The following PIAS2 variants were observed in gnomAD, a reference collection of about 807,000 sequenced individuals.
The protein encoded by PIAS2 is protein inhibitor of activated STAT 2.
Under a neutral mutation model 69.7 loss-of-function variants are expected in PIAS2, and 19 were observed. The observed-to-expected ratio is 0.27, with a 90% confidence interval of 0.19 to 0.40. The LOEUF (loss-of-function observed/expected upper bound fraction) is 0.40. Among genes scored for constraint, PIAS2 ranks in the 10% least tolerant of loss-of-function variants. PIAS2 has a pLI of 1.00. For synonymous variants in PIAS2, 261 were observed against 263.2 expected (o/e 0.99, Z 0.08); for missense variants, 624 against 757.0 (o/e 0.82, Z 2.06).
In PIAS2 at chr18:46,890,731, AGAG is replaced by A; in HGVS notation, c.345_347del (p.Ser116del). The A allele has an allele frequency of 6.2e-7, 1 of 1,614,186 alleles. No individual in the cohort carries two copies. Among genetic ancestry groups the A allele is most frequent in the Middle Eastern group, 1.6e-4 (1 of 6,062 alleles). On this transcript the variant is annotated inframe_deletion, in exon 2 of 14. Transcript: ENST00000585916. The stretch of plus-strand genomic sequence containing the variant: ...CTTGAAGCAGCACAGAACCAACAGG[AGAG>A]GATGGTGAGTGAGGTGTAACTGAAG...
At chr18:46,887,041 TA>T (rs1287939925) in intron 2 of PIAS2, among the ~76,000 whole-genome samples, 1 of 152,156 alleles carries the variant, frequency 6.6e-6, no homozygotes, top group African/African-American at 2.4e-5. Flanking sequence ...AAACTGGCAC[TA>T]AAATAATTTG....
Position 46,806,446 on chromosome 18 carries a change from CTCTCAGGTTCAAGCAAT to C in PIAS2, c.*5970_*5986del, listed in dbSNP as rs1222262599. 6.8e-6 allele frequency: 1 copy of C among 146,798 alleles called. No individual in the cohort carries two copies. Among genetic ancestry groups the C allele is most frequent in the Non-Finnish European group, 1.5e-5 (1 of 67,106 alleles). 9.1% of individuals were successfully genotyped at this position (146,798 alleles called of 1,614,324 possible). ...GATCCTGAGTCACTGCAACCTCCGC[CTCTCAGGTTCAAGCAAT>C]TCTCATCCCTCAGCCTCCCAAGTAG... On this transcript the variant is annotated 3_prime_UTR_variant, in exon 14 of 14. Transcript: ENST00000585916.
At chr18:46,895,003 G>A (rs1374219478) in intron 1 of PIAS2, among the ~76,000 whole-genome samples, 2 of 151,590 alleles carry the variant, frequency 1.3e-5, no homozygotes, top group African/African-American at 4.9e-5. Flanking sequence ...AAACCGGGAG[G>A]CGGAGGATGC....
At chr18:46,850,988 C>G (rs2046882894) in intron 5 of PIAS2, among the ~76,000 whole-genome samples, 1 of 152,134 alleles carries the variant, frequency 6.6e-6, no homozygotes, top group South Asian at 2.1e-4. Flanking sequence ...AGTTTTGAGT[C>G]TACTATAATC....
chr18:46,902,560 C>CA lies in PIAS2; in HGVS notation c.25-11507dup, dbSNP rs1038943129. 2.0e-3 allele frequency among the ~76,000 whole-genome samples: 288 copies of CA among 145,158 alleles called. 1 individual carries two copies. Among genetic ancestry groups the CA allele is most frequent in the African/African-American group, 6.3e-3 (248 of 39,626 alleles). On this transcript the variant is annotated intron_variant, in intron 1 of 13. Transcript: ENST00000585916. Reference sequence around the variant, plus strand: ...GGGCAACAAAAGTAAAACTCTGTCTCAAAAAAAAAAGAGAAAAGAAAACCT... The same window carrying CA: ...GGGCAACAAAAGTAAAACTCTGTCTCAAAAAAAAAAAGAGAAAAGAAAACCT...
In PIAS2 at chr18:46,827,939, T is replaced by C; in HGVS notation, c.1508+20A>G. On this transcript the variant is annotated intron_variant, in intron 11 of 13. Transcript: ENST00000585916. ...TAGTTGCAAGGGTAATGAACAATAG[T>C]GAACTATAAATTAACAAACCCTTTG... The C allele has an allele frequency of 6.2e-7, 1 of 1,608,736 alleles. No homozygotes were observed. The highest frequency in any genetic ancestry group is 8.5e-7 in the Non-Finnish European group (1 of 1,176,102).
At chr18:46,896,583 T>C (rs764217793) in intron 1 of PIAS2, among the ~76,000 whole-genome samples, 18 of 152,162 alleles carry the variant, frequency 1.2e-4, no homozygotes, top group African/African-American at 4.3e-4. Flanking sequence ...ACACAAAACA[T>C]GAAATTCAAA....
At chr18:46,828,718 C>G (rs1449136614) in intron 10 of PIAS2, among the ~76,000 whole-genome samples, 1 of 152,184 alleles carries the variant, frequency 6.6e-6, no homozygotes, top group Admixed American at 6.5e-5. Flanking sequence ...TTAAACTTTT[C>G]TTATGAATTA....
intron 3 of PIAS2, among the ~76,000 whole-genome samples, chr18:46,863,818 C>T (rs2049022899): frequency 1.3e-5 from 2 of 151,980 alleles, no homozygotes; most frequent in South Asian, 2.1e-4. Flanking sequence ...AGTCCTAACC[C>T]CCAATGTGAC....
chr18:46,848,798 AGAG>A (rs2046541082), intron 5 of PIAS2, among the ~76,000 whole-genome samples: 1 of 150,042 alleles, frequency 6.7e-6, no homozygotes, highest in South Asian at 2.2e-4. Context: ...TGAGAGAGAG[AGAG>A]TAGGAAGGTT....
rs1180265119 is a variant in PIAS2, at chr18:46,836,445, G to A, written c.1114C>T (p.Leu372Phe). 3.1e-6 allele frequency: 5 copies of A among 1,613,618 alleles called. No individual in the cohort carries two copies. Among genetic ancestry groups the A allele is most frequent in the East Asian group, 2.2e-5 (1 of 44,880 alleles). ...CTHLQCFDAA[L>F]YLQMNEKKPT... Reference sequence around the variant, plus strand: ...TTTTTCTCATTCATTTGTAGATAGAGGGCAGCATCAAAACACTGCAGATGT... The same window carrying A: ...TTTTTCTCATTCATTTGTAGATAGAAGGCAGCATCAAAACACTGCAGATGT... Residue 372 changes from leucine to phenylalanine, a missense_variant, in exon 9 of 14, where the codon CTC (leucine) becomes TTC (phenylalanine). Around this residue, in one of 3 missense-constraint regions of PIAS2, gnomAD observed 44 missense variants for 90.9 expected, o/e 0.48. Transcript: ENST00000585916.
chr18:46,846,869 T>C, intron 5 of PIAS2, 28 bp from the exon 6 acceptor site: 1 of 1,529,352 alleles, frequency 6.5e-7, no homozygotes, highest in Non-Finnish European at 8.8e-7. Context: ...AAAAATTATT[T>C]CAAATCATCT....
intron 2 of PIAS2, among the ~76,000 whole-genome samples, chr18:46,886,115 C>G (rs753248101): frequency 1.3e-5 from 2 of 152,012 alleles, no homozygotes; most frequent in African/African-American, 4.8e-5. Flanking sequence ...TTCACTTAGT[C>G]CCCCCCAGTC....
Position 46,855,583 on chromosome 18 carries a change from G to A in PIAS2, c.617C>T (p.Thr206Ile). The change falls in exon 4 of 14, where the codon ACA (threonine) becomes ATA (isoleucine). Residue 206 changes from threonine to isoleucine, a missense_variant. Thr to Ile is a moderately conservative substitution (Grantham distance 89). This residue lies in a region of PIAS2 where 339 missense variants were observed against 408.8 expected (regional missense o/e 0.83). Coordinates refer to ENST00000585916, the MANE Select transcript of PIAS2 (RefSeq NM_004671.5). ...AACTCACCTCAACTGAACTTGGACT[G>A]TATAATCTCTCCTACCACCTGGCAA... is the stretch of plus-strand genomic sequence containing the variant. ...DFLPGGRRDY[T>I]VQVQLRLCLA... 6.2e-7 allele frequency: 1 copy of A among 1,613,586 alleles called. No homozygotes were observed.
chr18:46,885,257 G>A (rs779515501), intron 2 of PIAS2, among the ~76,000 whole-genome samples: 31 of 152,102 alleles, frequency 2.0e-4, no homozygotes, highest in Admixed American at 7.9e-4. Flanking sequence ...AGTGGGTCAT[G>A]CCAGTAATCC....
At chr18:46,818,960 GAAAT>G (rs1224056220) in intron 12 of PIAS2, among the ~76,000 whole-genome samples, 3 of 152,086 alleles carry the variant, frequency 2.0e-5, no homozygotes, top group East Asian at 3.9e-4. Flanking sequence ...TTTCTAAAAA[GAAAT>G]AAAGTCTCAC....
chr18:46,904,970 A>T (rs1028461821), intron 1 of PIAS2, among the ~76,000 whole-genome samples: 1 of 152,226 alleles, frequency 6.6e-6, no homozygotes, highest in African/African-American at 2.4e-5. Flanking sequence ...CTAGTAAAAG[A>T]TTAACTCTGC....
chr18:46,903,646 G>A (rs1218917546), intron 1 of PIAS2: 1 of 152,168 alleles, frequency 6.6e-6, no homozygotes, highest in African/African-American at 2.4e-5. Flanking sequence ...CTGGAAAACA[G>A]TTTAGCAAGT....
intron 12 of PIAS2, 92 bp from the exon 13 acceptor site, chr18:46,815,441 T>C (rs2041406196): frequency 6.3e-7 from 1 of 1,592,984 alleles, no homozygotes; most frequent in Non-Finnish European, 8.6e-7. Flanking sequence ...TCACAAAACA[T>C]TTGTGGTAAG....
Sources: gnomAD v4.1 joint callset for allele counts (sites outside exome capture counted in the v4.1 genomes callset) on GRCh38, gnomAD v4.1.1 for gene constraint, gnomAD v4.1.1 regional missense constraint, MANE v1.5 for transcripts, NCBI Gene and HGNC (gene_info 2026-07-23, HGNC 2026-07-21) for gene names.